PVT1: variants seen among roughly 807,000 people sequenced by gnomAD.
PVT1 encodes the protein Pvt1 oncogene.
At chr8:128,000,371 G>A (rs558485305) in intron 4 of PVT1, among the ~76,000 whole-genome samples, 2 of 152,324 alleles carry the variant, frequency 1.3e-5, no homozygotes, top group African/African-American at 4.8e-5. Flanking sequence ...AGGAGGGCTT[G>A]GTGCAGAACT....
At chr8:128,066,149 C>T (rs1234806939) in intron 4 of PVT1, among the ~76,000 whole-genome samples, 1 of 152,182 alleles carries the variant, frequency 6.6e-6, no homozygotes, top group Non-Finnish European at 1.5e-5. Flanking sequence ...TCCATGTGAC[C>T]TGAAAGGGGA....
chr8:127,893,187 C>T (rs1318811151), intron 3 of PVT1, among the ~76,000 whole-genome samples: 2 of 152,178 alleles, frequency 1.3e-5, no homozygotes, highest in Non-Finnish European at 2.9e-5. Context: ...GGGCACATAG[C>T]ACATGTTTTT....
chr8:128,052,612 A>G (rs1813712181), intron 4 of PVT1, among the ~76,000 whole-genome samples: 1 of 152,306 alleles, frequency 6.6e-6, no homozygotes, highest in Admixed American at 6.5e-5. Flanking sequence ...TCTTCTCTTC[A>G]TAGTATTATT....
At chr8:127,974,229 G>A (rs1816796272) in intron 3 of PVT1, among the ~76,000 whole-genome samples, 1 of 152,102 alleles carries the variant, frequency 6.6e-6, no homozygotes, top group Non-Finnish European at 1.5e-5. Context: ...TCACCCCATT[G>A]GTGCCTACAG....
At chr8:127,833,010 C>A (rs577844814) in intron 2 of PVT1, among the ~76,000 whole-genome samples, 4 of 152,022 alleles carry the variant, frequency 2.6e-5, no homozygotes, top group Admixed American at 6.6e-5. Flanking sequence ...AAACAAGAAA[C>A]CTTTGAGAGG....
At chr8:128,047,336 C>G (rs979202643) in intron 4 of PVT1, among the ~76,000 whole-genome samples, 9 of 152,160 alleles carry the variant, frequency 5.9e-5, no homozygotes, top group African/African-American at 2.2e-4. Flanking sequence ...TGAACTAAGT[C>G]ACCATGGGCC....
At chr8:127,828,030 T>C (rs4733792) in intron 2 of PVT1, among the ~76,000 whole-genome samples, 102,965 of 152,084 alleles carry the variant, frequency 0.68, 36,211 homozygotes, top group African/African-American at 0.87. Flanking sequence ...GCCTACTTTT[T>C]GTTTCTCCAT....
chr8:127,991,725 G>A (rs947029509), intron 4 of PVT1, among the ~76,000 whole-genome samples: 1 of 152,174 alleles, frequency 6.6e-6, no homozygotes, highest in Non-Finnish European at 1.5e-5. Context: ...GGTTTCTGAG[G>A]CCCGCAGTCC....
chr8:128,001,465 G>A (rs2130018047), intron 4 of PVT1, among the ~76,000 whole-genome samples: 1 of 152,202 alleles, frequency 6.6e-6, no homozygotes, highest in South Asian at 2.1e-4. Context: ...CTGTACCGGT[G>A]CCCAGCTGCC....
At chr8:127,910,455 C>T (rs1230119880) in intron 3 of PVT1, among the ~76,000 whole-genome samples, 1 of 152,188 alleles carries the variant, frequency 6.6e-6, no homozygotes, top group Non-Finnish European at 1.5e-5. Flanking sequence ...CTGAAATGAT[C>T]ACATGTGTAG....
At chr8:128,089,577 C>T (rs1035649715) in intron 5 of PVT1, among the ~76,000 whole-genome samples, 4 of 152,148 alleles carry the variant, frequency 2.6e-5, no homozygotes, top group African/African-American at 9.7e-5. Flanking sequence ...AACTGGGATG[C>T]AAGGATTCAA....
chr8:127,851,652 C>T (rs376648013), intron 2 of PVT1, among the ~76,000 whole-genome samples: 10 of 152,036 alleles, frequency 6.6e-5, no homozygotes, highest in African/African-American at 2.2e-4. Flanking sequence ...TGGCAAGCAG[C>T]GGGAGTCATT....
intron 2 of PVT1, among the ~76,000 whole-genome samples, chr8:127,799,518 T>C (rs1043562405): frequency 6.6e-6 from 1 of 152,134 alleles, no homozygotes; most frequent in Non-Finnish European, 1.5e-5. Flanking sequence ...GGTGTGGAAG[T>C]GGGGGGCTTG....
At chr8:127,907,313 C>A (rs750954651) in intron 3 of PVT1, among the ~76,000 whole-genome samples, 3 of 152,174 alleles carry the variant, frequency 2.0e-5, no homozygotes, top group Non-Finnish European at 2.9e-5. Context: ...CTGCTTCCTA[C>A]CCCAGACATG....
intron 2 of PVT1, among the ~76,000 whole-genome samples, chr8:127,815,201 A>AGGTGATCC (rs1814645228): frequency 6.6e-6 from 1 of 152,164 alleles, no homozygotes; most frequent in African/African-American, 2.4e-5. Context: ...TCCTGACCTC[A>AGGTGATCC]GGTGATCCAC....
intron 2 of PVT1, among the ~76,000 whole-genome samples, chr8:127,872,549 T>G (rs922147170): frequency 2.0e-5 from 3 of 152,184 alleles, no homozygotes; most frequent in African/African-American, 7.2e-5. Context: ...AAATATCTCA[T>G]GTACCCTATA....
intron 4 of PVT1, among the ~76,000 whole-genome samples, chr8:128,067,460 A>T (rs1424481086): frequency 2.0e-5 from 3 of 152,108 alleles, no homozygotes; most frequent in Non-Finnish European, 4.4e-5. Context: ...AAATGGTTAG[A>T]CTTCTAATCA....
At chr8:127,831,281 TG>T (rs1259631237) in intron 2 of PVT1, among the ~76,000 whole-genome samples, 4 of 151,316 alleles carry the variant, frequency 2.6e-5, no homozygotes, top group Admixed American at 1.3e-4. Context: ...AGAGAGACCT[TG>T]TCTCTACAAA....
chr8:127,797,391 C>T (rs566278751), intron 2 of PVT1, among the ~76,000 whole-genome samples: 1 of 152,216 alleles, frequency 6.6e-6, no homozygotes, highest in Non-Finnish European at 1.5e-5. Flanking sequence ...CAGGACCACA[C>T]CCCCCACCCC....
Sources: gnomAD v4.1 joint callset for allele counts (sites outside exome capture counted in the v4.1 genomes callset) on GRCh38, gnomAD v4.1.1 for gene constraint, MANE v1.5 for transcripts, NCBI Gene and HGNC (gene_info 2026-07-23, HGNC 2026-07-21) for gene names.